Variants in RNF150 observed in about 807,000 individuals in gnomAD.
RNF150 encodes the protein ring finger protein 150.
Under a neutral mutation model 39.3 loss-of-function variants are expected in RNF150, and 24 were observed. The observed-to-expected ratio is 0.61, with a 90% CI of 0.44 to 0.86. RNF150 has a LOEUF of 0.86. Ranked by LOEUF, RNF150 falls within the 40% of genes least tolerant of loss-of-function variation. The pLI is 0.00. For missense variants in RNF150, 502 were observed against 587.8 expected (o/e 0.85, Z 1.51); for synonymous variants, 255 against 227.3 (o/e 1.12, Z -1.10).
intron 1 of RNF150, among the ~76,000 whole-genome samples, chr4:141,167,414 T>C (rs950117930): frequency 6.6e-6 from 1 of 152,100 alleles, no homozygotes. Context: ...CAAGCTACCA[T>C]TGACTTTCTT....
chr4:141,183,642 A>C (rs1727950317), intron 1 of RNF150, among the ~76,000 whole-genome samples: 1 of 152,080 alleles, frequency 6.6e-6, no homozygotes, highest in Admixed American at 6.6e-5. Flanking sequence ...CCCCACATGC[A>C]TTAGGTATTT....
intron 1 of RNF150, among the ~76,000 whole-genome samples, chr4:141,070,025 G>A (rs1017131411): frequency 4.0e-4 from 61 of 152,018 alleles, no homozygotes; most frequent in African/African-American, 1.4e-3. Context: ...TGGATTCATT[G>A]ATTTTTTGAA....
intron 1 of RNF150, among the ~76,000 whole-genome samples, chr4:141,124,819 T>G (rs1461465755): frequency 6.6e-6 from 1 of 152,208 alleles, no homozygotes; most frequent in Non-Finnish European, 1.5e-5. Flanking sequence ...TGTACTCATA[T>G]CTGTCTGCCT....
In RNF150 at chr4:141,132,764, TG is replaced by T; in HGVS notation, c.44del (p.Ser15Ter). Reference sequence around the variant, plus strand: ...CGAAACAAAAGGAAAGCAGCCATGTTGAGAGAGCCAGACTGCAGCACGCTTG... The same window carrying T: ...CGAAACAAAAGGAAAGCAGCCATGTTAGAGAGCCAGACTGCAGCACGCTTG... Reference protein sequence around the residue: ...LIQACCSLALSTWLLSFCFVH... With the variant: ...LIQACCSLALXTWLLSFCFVH... On this transcript the variant is annotated frameshift_variant, in exon 1 of 7. Transcript: ENST00000515673. LOFTEE classifies it high-confidence loss of function. This position sits in a 1 kb window ranked among gnomAD's most constrained non-coding sequence, Gnocchi z 4.9. 1 of 1,610,304 alleles carries T rather than the reference TG, an allele frequency of 6.2e-7. No homozygotes were observed. Among genetic ancestry groups the T allele is most frequent in the Non-Finnish European group, 8.5e-7 (1 of 1,178,514 alleles).
intron 5 of RNF150, among the ~76,000 whole-genome samples, chr4:140,916,093 GA>G (rs964992671): frequency 6.6e-6 from 1 of 151,752 alleles, no homozygotes; most frequent in African/African-American, 2.4e-5. Context: ...AAAAGATGGG[GA>G]AAAAACGGAG....
intron 1 of RNF150, among the ~76,000 whole-genome samples, chr4:141,183,577 T>C (rs1383860013): frequency 2.6e-5 from 4 of 152,140 alleles, no homozygotes; most frequent in African/African-American, 9.7e-5. Context: ...AGCATACATG[T>C]GCAGAATGTG....
chr4:141,049,309 A>AT (rs565060774), intron 1 of RNF150, among the ~76,000 whole-genome samples: 15 of 151,944 alleles, frequency 9.9e-5, no homozygotes, highest in Non-Finnish European at 1.9e-4. Context: ...GAATCCAGAG[A>AT]TAAAAAAAAG....
At chr4:141,038,402 A>T (rs1736228295) in intron 1 of RNF150, among the ~76,000 whole-genome samples, 1 of 152,208 alleles carries the variant, frequency 6.6e-6, no homozygotes, top group African/African-American at 2.4e-5. Context: ...TTTAAAAAAG[A>T]ATCTCGACCG....
At chr4:141,128,876 G>C (rs187997244) in intron 1 of RNF150, among the ~76,000 whole-genome samples, 1 of 152,286 alleles carries the variant, frequency 6.6e-6, no homozygotes, top group East Asian at 1.9e-4. Flanking sequence ...ATGTTAAAAA[G>C]TAACAGTTAG....
intron 6 of RNF150, among the ~76,000 whole-genome samples, chr4:140,871,666 G>C (rs1241347911): frequency 1.3e-5 from 2 of 152,154 alleles, no homozygotes; most frequent in Non-Finnish European, 2.9e-5. Context: ...CAGATAAAGA[G>C]CTGACTTAGT....
intron 6 of RNF150, among the ~76,000 whole-genome samples, chr4:140,902,570 ATTT>A (rs1056422483): frequency 6.6e-6 from 1 of 151,844 alleles, no homozygotes; most frequent in Non-Finnish European, 1.5e-5. Context: ...GTTTTTCCTT[ATTT>A]TTTAAATTTA....
chr4:141,048,649 C>T (rs547127450), intron 1 of RNF150, among the ~76,000 whole-genome samples: 20 of 152,188 alleles, frequency 1.3e-4, no homozygotes, highest in African/African-American at 4.3e-4. Context: ...AGGAGGATCC[C>T]TTGAGCCCTG....
chr4:140,954,274 C>T (rs992960321), intron 2 of RNF150, among the ~76,000 whole-genome samples: 4 of 152,182 alleles, frequency 2.6e-5, no homozygotes, highest in Middle Eastern at 6.8e-3. Context: ...AGTGCAATGG[C>T]GTGAATCTTG....
At chr4:140,985,696 A>T (rs543818895) in intron 1 of RNF150, among the ~76,000 whole-genome samples, 1 of 152,232 alleles carries the variant, frequency 6.6e-6, no homozygotes, top group African/African-American at 2.4e-5. Context: ...AATCTAAATA[A>T]TTGTTACTAA....
At chr4:141,106,059 A>G (rs1486393519) in intron 1 of RNF150, among the ~76,000 whole-genome samples, 3 of 152,148 alleles carry the variant, frequency 2.0e-5, no homozygotes, top group Non-Finnish European at 4.4e-5. Context: ...TTAACAATCA[A>G]ATAAACTGTT....
In RNF150 at chr4:140,947,780, T is replaced by C. The variant is rs768914482; in HGVS notation, c.808-44A>G. 14 of 1,363,572 alleles carry C rather than the reference T, an allele frequency of 1.0e-5. 1 individual carries two copies. The South Asian group carries it at 1.7e-4, about 17-fold the overall frequency. The allele number at this position is 1,363,572 out of a possible 1,614,324, so 84.5% of individuals were successfully genotyped here. ...AGATGAGCCTATTTTCTTAGCTTCA[T>C]CTCTTGTGTAAATATCCAAGCCAAA... On this transcript the variant is annotated intron_variant, in intron 3 of 6. Transcript: ENST00000515673.
chr4:141,063,991 CA>C (rs35348369), intron 1 of RNF150, among the ~76,000 whole-genome samples: 53,355 of 116,480 alleles, frequency 0.46, 11,300 homozygotes, highest in Non-Finnish European at 0.55. Flanking sequence ...AAAAGTTCTA[CA>C]AAAAAAAAAA....
chr4:141,211,463 T>C (rs897040566), intron 1 of RNF150, among the ~76,000 whole-genome samples: 9 of 152,170 alleles, frequency 5.9e-5, no homozygotes, highest in Non-Finnish European at 1.2e-4. Context: ...GATGAACACA[T>C]CTTACATTCC....
intron 1 of RNF150, among the ~76,000 whole-genome samples, chr4:140,973,512 C>T (rs185176870): frequency 6.6e-6 from 1 of 151,504 alleles, no homozygotes; most frequent in Non-Finnish European, 1.5e-5. Flanking sequence ...CCTTTTCTTC[C>T]TCCATATTTC....
Sources: gnomAD v4.1 joint callset for allele counts (sites outside exome capture counted in the v4.1 genomes callset) on GRCh38, gnomAD v4.1.1 for gene constraint, Gnocchi (gnomAD v3.1) non-coding constraint, MANE v1.5 for transcripts, NCBI Gene and HGNC (gene_info 2026-07-23, HGNC 2026-07-21) for gene names.